The following INSL6 variants were observed in gnomAD, a reference collection of about 807,000 sequenced individuals.
The protein encoded by INSL6 is insulin-like peptide INSL6.
In INSL6, 16 loss-of-function variants were observed where a neutral mutation model predicts 9.4. That is an observed-to-expected ratio of 1.70 (90% CI 1.15 to 2.59). The LOEUF (loss-of-function observed/expected upper bound fraction) is 2.59, where lower values mean the gene tolerates loss of function less well. Ranked by LOEUF, INSL6 falls within the 30% of genes most tolerant of loss-of-function variation. The pLI is 0.00. For synonymous variants in INSL6, 154 were observed against 96.9 expected, an observed-to-expected ratio of 1.59 and a Z score of -3.46; for missense variants, 391 against 257.3, an observed-to-expected ratio of 1.52 and a Z score of -3.56.
At chr9:5,161,396 C>T (rs1004027381), downstream of INSL6, among the ~76,000 whole-genome samples, 1 of 152,050 alleles carries the variant, frequency 6.6e-6, no homozygotes, top group Non-Finnish European at 1.5e-5. Flanking sequence ...TGCTAAAACC[C>T]CTCAAAAAAT....
chr9:5,080,694 G>A, the INSL6 span: 1 of 1,531,574 alleles, frequency 6.5e-7, no homozygotes, highest in Non-Finnish European at 8.7e-7. Flanking sequence ...GTATGTATTT[G>A]AATGATCTTA....
intron 1 of INSL6, among the ~76,000 whole-genome samples, chr9:5,172,256 T>C (rs1409973310): frequency 6.6e-6 from 1 of 151,864 alleles, no homozygotes; most frequent in African/African-American, 2.4e-5. Context: ...CGCTATTTAA[T>C]AAATGGTGCT....
At chr9:5,002,135 G>C in the INSL6 span, among the ~76,000 whole-genome samples, 2 of 151,598 alleles carry the variant, frequency 1.3e-5, no homozygotes, top group African/African-American at 4.8e-5. Flanking sequence ...CAAAGTTTTG[G>C]TTTGATTGAT....
intron 3 of INSL6, chr9:5,127,541 C>A (rs1417077774): frequency 4.3e-6 from 1 of 231,056 alleles, no homozygotes; most frequent in African/African-American, 2.2e-5. Flanking sequence ...TCCCTTGTAT[C>A]TATTTGTGGT....
At chr9:5,118,198 C>G in the INSL6 span, among the ~76,000 whole-genome samples, 1 of 152,156 alleles carries the variant, frequency 6.6e-6, no homozygotes, top group Non-Finnish European at 1.5e-5. Context: ...TTGATACCCA[C>G]TTATCACCCA....
At chr9:5,173,682 G>T (rs1469704143) in intron 1 of INSL6, among the ~76,000 whole-genome samples, 3 of 151,956 alleles carry the variant, frequency 2.0e-5, no homozygotes, top group African/African-American at 4.8e-5. Flanking sequence ...CTAGGTGATG[G>T]GTTGACAGGC....
intron 3 of INSL6, chr9:5,126,511 A>C (rs1433572291): frequency 1.7e-6 from 2 of 1,146,622 alleles, no homozygotes; most frequent in Admixed American, 4.0e-5. Flanking sequence ...CAAGGACTTC[A>C]GTTCACTTCC....
chr9:5,103,338 T>C, the INSL6 span, among the ~76,000 whole-genome samples: 1 of 135,046 alleles, frequency 7.4e-6, no homozygotes. Flanking sequence ...CATTACATAA[T>C]GGTAAAAGGA....
intron 2 of INSL6, among the ~76,000 whole-genome samples, chr9:5,144,984 T>G (rs1824573230): frequency 6.6e-6 from 1 of 152,230 alleles, no homozygotes; most frequent in African/African-American, 2.4e-5. Context: ...TATTGTTATG[T>G]GTGGATTTGA....
At chr9:5,183,114 G>T (rs1011906401) in intron 1 of INSL6, among the ~76,000 whole-genome samples, 1 of 152,096 alleles carries the variant, frequency 6.6e-6, no homozygotes, top group Non-Finnish European at 1.5e-5. Context: ...TAAAAATGAT[G>T]TCATAATTAT....
the INSL6 span, among the ~76,000 whole-genome samples, chr9:5,026,187 T>C: frequency 1.3e-5 from 2 of 152,232 alleles, no homozygotes; most frequent in African/African-American, 2.4e-5. Flanking sequence ...TTTTCTAATA[T>C]AAGCAGATAA....
chr9:5,134,807 A>T (rs1273505418), intron 2 of INSL6, among the ~76,000 whole-genome samples: 1 of 152,224 alleles, frequency 6.6e-6, no homozygotes, highest in Non-Finnish European at 1.5e-5. Flanking sequence ...AGCTAGCATC[A>T]TAATGACAGG....
At chr9:5,171,555 G>A (rs1024900157) in intron 1 of INSL6, among the ~76,000 whole-genome samples, 1 of 152,170 alleles carries the variant, frequency 6.6e-6, no homozygotes, top group Admixed American at 6.5e-5. Flanking sequence ...TTTGTTTGCA[G>A]ATGACATGCA....
the INSL6 span, chr9:5,066,581 C>T: frequency 1.4e-6 from 1 of 706,456 alleles, no homozygotes; most frequent in East Asian, 2.8e-5. Flanking sequence ...ACAATTCTGA[C>T]AGTTTTAGAT....
At chr9:5,128,193 G>T (rs1236673300) in intron 3 of INSL6, 1 of 229,546 alleles carries the variant, frequency 4.4e-6, no homozygotes, top group Non-Finnish European at 8.6e-6. Context: ...ATTTTTACTG[G>T]TATGTTCTAC....
At chr9:5,162,589 T>C (rs757111517), downstream of INSL6, among the ~76,000 whole-genome samples, 1 of 152,214 alleles carries the variant, frequency 6.6e-6, no homozygotes, top group Non-Finnish European at 1.5e-5. Flanking sequence ...TTTCATCTAA[T>C]GCTTAGCAGA....
the INSL6 span, among the ~76,000 whole-genome samples, chr9:5,042,607 C>T: frequency 6.6e-6 from 1 of 152,118 alleles, no homozygotes. Context: ...TGAGGCCCAG[C>T]CAGCTGCCCC....
the INSL6 span, chr9:5,022,174 G>A: frequency 3.7e-6 from 6 of 1,614,154 alleles, no homozygotes; most frequent in Admixed American, 1.0e-4. Flanking sequence ...TGGGGAGTAT[G>A]TTGCAGAAGA....
the INSL6 span, among the ~76,000 whole-genome samples, chr9:5,024,055 G>T: frequency 2.2e-4 from 34 of 152,266 alleles, no homozygotes; most frequent in African/African-American, 8.2e-4. Context: ...AGGAGATCGA[G>T]ATCATCCTGG....
Sources: allele counts gnomAD v4.1 joint callset (sites outside exome capture counted in the v4.1 genomes callset), GRCh38; gene constraint gnomAD v4.1.1; transcripts MANE v1.5; gene names NCBI Gene and HGNC (gene_info 2026-07-23, HGNC 2026-07-21).